Variants in DNAH10 observed in about 807,000 individuals in gnomAD.
The protein encoded by DNAH10 is dynein axonemal heavy chain 10, also known as axonemal beta dynein heavy chain 10.
A neutral mutation model predicts 506.6 loss-of-function variants in DNAH10; 348 were observed. The ratio of observed to expected loss-of-function variants is 0.69; its 90% CI spans 0.63 to 0.75. The LOEUF (loss-of-function observed/expected upper bound fraction) is 0.75. Ranked by LOEUF, DNAH10 falls within the 30% of genes least tolerant of loss-of-function variation. The pLI is 0.00. For synonymous variants in DNAH10, 2,059 were observed against 2,198.6 expected (o/e 0.94, Z 1.78); for missense variants, 5,179 against 5,787.1 (o/e 0.89, Z 3.41).
At position 123,853,898 on chromosome 12, in the gene DNAH10, G is replaced by T. The variant is rs1295169612; in HGVS notation, c.6438+546G>T. ...GATACATGCACGCGCACACACGTACGCACGCACATGTACACATACGCACAC... is the reference window on the plus strand; with the variant it reads ...GATACATGCACGCGCACACACGTACTCACGCACATGTACACATACGCACAC... On this transcript the variant is annotated intron_variant, in intron 36 of 78. Coordinates refer to ENST00000673944, the MANE Select transcript of DNAH10 (RefSeq NM_001372106.1). The surrounding 1 kb of genome is among the most constrained non-coding windows in gnomAD (Gnocchi z 4.7). 1.4e-5 allele frequency among the ~76,000 whole-genome samples: 2 copies of T among 145,680 alleles called. No homozygotes were observed. The highest frequency in any genetic ancestry group is 6.8e-5 in the Admixed American group (1 of 14,600).
intron 26 of DNAH10, 85 bp downstream of exon 26, chr12:123,830,784 A>G: frequency 7.7e-7 from 1 of 1,303,540 alleles, no homozygotes; most frequent in East Asian, 2.6e-5. Context: ...CTATACTAAA[A>G]AAAAAAAAAA....
At chr12:123,765,149 A>C (rs1468841175) in intron 1 of DNAH10, among the ~76,000 whole-genome samples, 1 of 151,802 alleles carries the variant, frequency 6.6e-6, no homozygotes, top group African/African-American at 2.4e-5. Flanking sequence ...ATAGGAATGG[A>C]GACAAGCAGA....
chr12:123,890,950 G>C (rs1287135553), intron 52 of DNAH10, among the ~76,000 whole-genome samples: 1 of 152,160 alleles, frequency 6.6e-6, no homozygotes, highest in Non-Finnish European at 1.5e-5. Context: ...ATGAGAATCT[G>C]AATGTGATGT....
At chr12:123,861,789 T>C (rs11057375) in intron 39 of DNAH10, among the ~76,000 whole-genome samples, 49,106 of 152,182 alleles carry the variant, frequency 0.32, 8,038 homozygotes, top group Middle Eastern at 0.39. Flanking sequence ...CAAATCCCAT[T>C]AATAATAAAT....
chr12:123,771,828 G>T, intron 3 of DNAH10, 130 bp downstream of exon 3: 1 of 756,606 alleles, frequency 1.3e-6, no homozygotes, highest in East Asian at 2.7e-5. Flanking sequence ...GGATCCCAAG[G>T]CCACCCTCAG....
intron 7 of DNAH10, among the ~76,000 whole-genome samples, 181 bp downstream of exon 7, chr12:123,783,445 T>C (rs956431849): frequency 6.6e-6 from 1 of 152,252 alleles, no homozygotes; most frequent in African/African-American, 2.4e-5. Context: ...GTTAATGTGC[T>C]ACCAGGTTAC....
In DNAH10 at chr12:123,909,249, G is replaced by T; in HGVS notation, c.9816-12G>T. On this transcript the variant is annotated splice_polypyrimidine_tract_variant and intron_variant, in intron 57 of 78. Transcript: ENST00000673944. This position sits in a 1 kb window ranked among gnomAD's most constrained non-coding sequence, Gnocchi z 5.4. ...CCGGGGTTGTGACCCACGTGCCTTG[G>T]TTTCTTGCCAGGTCGTTTGCTAAGC... The T allele has an allele frequency of 1.2e-6, 2 of 1,611,614 alleles. No individual in the cohort carries two copies. Among genetic ancestry groups the T allele is most frequent in the Non-Finnish European group, 1.7e-6 (2 of 1,179,136 alleles).
intron 54 of DNAH10, among the ~76,000 whole-genome samples, chr12:123,896,719 G>GAAA (rs60387471): frequency 1.1e-5 from 1 of 92,058 alleles, no homozygotes; most frequent in Non-Finnish European, 2.5e-5. Context: ...CCTGTCTCAA[G>GAAA]AAAAAAAAAA....
At chr12:123,918,523 C>T (rs981650094) in intron 64 of DNAH10, 153 bp from the exon 65 acceptor site, 14 of 864,672 alleles carry the variant, frequency 1.6e-5, no homozygotes, top group Middle Eastern at 3.3e-4. Flanking sequence ...CCCCTTCCTA[C>T]AAGAGGGTGG....
At chr12:123,918,338 A>C (rs918892023) in intron 64 of DNAH10, among the ~76,000 whole-genome samples, 4 of 152,244 alleles carry the variant, frequency 2.6e-5, no homozygotes, top group African/African-American at 9.6e-5. Flanking sequence ...ACCCCAAAGC[A>C]GCCCTGGGAG....
chr12:123,928,696 G>T lies in DNAH10; in HGVS notation c.12306+109G>T. The T allele has an allele frequency of 7.8e-7, 1 of 1,281,436 alleles. No homozygotes were observed. The highest frequency in any genetic ancestry group is 1.5e-5 in the South Asian group (1 of 67,514). The allele number at this position is 1,281,436 out of a possible 1,614,324, so 79.4% of individuals were successfully genotyped here. A position where few individuals can be genotyped will look rare whatever the true frequency, so the allele number is the denominator to read the frequency against. On this transcript the variant is annotated intron_variant, in intron 70 of 78. Transcript: ENST00000673944. This position sits in a 1 kb window ranked among gnomAD's most constrained non-coding sequence, Gnocchi z 4.9. ...TTGTCTGTGTAGAAATAAACCTTAG[G>T]CTGCAGGTGAAACCTTGCGGTTGAA...
At chr12:123,893,187 T>C (rs1397492783) in intron 52 of DNAH10, 46 bp from the exon 53 acceptor site, 2 of 1,587,102 alleles carry the variant, frequency 1.3e-6, no homozygotes, top group Middle Eastern at 1.7e-4. Context: ...AGAGCGGTCA[T>C]GACCCTGGGA....
At position 123,819,173 on chromosome 12, in the gene DNAH10, A is replaced by G. The variant is rs757744691; in HGVS notation, c.3923A>G (p.Tyr1308Cys). Reference sequence around the variant, plus strand: ...CTTACTCGAGGCGAAATAATGAACTACAGAGTTCAGATAGAGGAGTTTGCA... The same window carrying G: ...CTTACTCGAGGCGAAATAATGAACTGCAGAGTTCAGATAGAGGAGTTTGCA... The part of the protein sequence containing the change: ...TELTRGEIMN[Y>C]RVQIEEFAKR... Residue 1308 changes from tyrosine to cysteine, a missense_variant, in exon 23 of 79, where the codon TAC (tyrosine) becomes TGC (cysteine). Transcript: ENST00000673944. The G allele has an allele frequency of 1.2e-6, 2 of 1,613,628 alleles. No homozygotes were observed. Among genetic ancestry groups the G allele is most frequent in the Non-Finnish European group, 8.5e-7 (1 of 1,179,782 alleles).
In DNAH10 at chr12:123,930,530, G is replaced by A; in HGVS notation, c.12741G>A (p.Val4247=). The A allele has an allele frequency of 1.2e-6, 2 of 1,609,224 alleles. No individual in the cohort carries two copies. The highest frequency in any genetic ancestry group is 8.5e-7 in the Non-Finnish European group (1 of 1,178,560). ...QPFHFFRNKE[V]DYKIPVGDEK... ...TCCACTTCTTCCGGAACAAGGAAGT[G>A]GACTACAAAATCCCTGTTGGTGATG... The change falls in exon 73 of 79, where the codon GTG becomes GTA. Residue 4247 remains valine, a synonymous_variant. Coordinates refer to ENST00000673944, the MANE Select transcript of DNAH10 (RefSeq NM_001372106.1).
intron 6 of DNAH10, among the ~76,000 whole-genome samples, chr12:123,782,449 G>C (rs1296277900): frequency 6.6e-5 from 8 of 121,976 alleles, no homozygotes; most frequent in Admixed American, 6.0e-4. Flanking sequence ...TCACTCTGCC[G>C]CCCAGGCTGG....
chr12:123,854,930 T>C (rs1951328062), intron 36 of DNAH10, among the ~76,000 whole-genome samples: 1 of 152,240 alleles, frequency 6.6e-6, no homozygotes, highest in Non-Finnish European at 1.5e-5. Flanking sequence ...TGAAGTCAGC[T>C]GTACTTGCCA....
At chr12:123,783,374 T>A (rs750141911) in intron 7 of DNAH10, 110 bp downstream of exon 7, 29 of 1,314,722 alleles carry the variant, frequency 2.2e-5, no homozygotes, top group Admixed American at 6.7e-5. Flanking sequence ...CTTACTGTTT[T>A]ATGACTTCCT....
At chr12:123,934,499 C>T (rs767317921) in intron 77 of DNAH10, 122 bp from the exon 78 acceptor site, 6 of 1,243,248 alleles carry the variant, frequency 4.8e-6, no homozygotes, top group African/African-American at 4.5e-5. Context: ...GGGCTGTCCC[C>T]AATGCGCTGG....
At chr12:123,776,181 A>G (rs1381824631) in intron 5 of DNAH10, among the ~76,000 whole-genome samples, 2 of 152,104 alleles carry the variant, frequency 1.3e-5, no homozygotes, top group African/African-American at 4.8e-5. Flanking sequence ...AAACCACATC[A>G]AGGGTGATGG....
Sources: allele counts gnomAD v4.1 joint callset (sites outside exome capture counted in the v4.1 genomes callset), GRCh38; gene constraint gnomAD v4.1.1; non-coding constraint Gnocchi (gnomAD v3.1); transcripts MANE v1.5; gene names NCBI Gene and HGNC (gene_info 2026-07-23, HGNC 2026-07-21).